The following NKAIN2 variants were observed in gnomAD, a reference collection of about 807,000 sequenced individuals.
NKAIN2 encodes sodium/potassium-transporting ATPase subunit beta-1-interacting protein 2.
Under a neutral mutation model 32.6 loss-of-function variants are expected in NKAIN2, and 14 were observed. The observed-to-expected ratio is 0.43, with a 90% CI of 0.28 to 0.67. NKAIN2 has a LOEUF of 0.67. Among genes scored for constraint, NKAIN2 ranks in the 30% least tolerant of loss-of-function variants. The pLI, the probability that NKAIN2 is intolerant of heterozygous loss-of-function variation, is 0.17. For synonymous variants in NKAIN2, 80 were observed against 87.2 expected (o/e 0.92, Z 0.46); for missense variants, 198 against 258.3 (o/e 0.77, Z 1.60).
intron 3 of NKAIN2, among the ~76,000 whole-genome samples, chr6:124,516,360 A>T (rs1778914342): frequency 6.6e-6 from 1 of 152,174 alleles, no homozygotes; most frequent in Admixed American, 6.5e-5. Flanking sequence ...ATACTAGACA[A>T]TAACATTTTT....
intron 5 of NKAIN2, among the ~76,000 whole-genome samples, chr6:124,800,000 T>A (rs1423587846): frequency 2.6e-5 from 4 of 152,104 alleles, no homozygotes; most frequent in Non-Finnish European, 1.5e-5. Flanking sequence ...AATGTTGACA[T>A]ACACACTCAC....
intron 3 of NKAIN2, among the ~76,000 whole-genome samples, chr6:124,378,460 T>C (rs1379617317): frequency 1.3e-5 from 2 of 152,156 alleles, no homozygotes. Flanking sequence ...GGACATCCTG[T>C]TCCTATGAGT....
At chr6:124,449,039 C>T (rs1289387345) in intron 3 of NKAIN2, among the ~76,000 whole-genome samples, 1 of 151,996 alleles carries the variant, frequency 6.6e-6, no homozygotes, top group East Asian at 1.9e-4. Context: ...TGACTATGCT[C>T]CATAAATTTC....
At chr6:124,583,718 A>G (rs868177426) in intron 3 of NKAIN2, among the ~76,000 whole-genome samples, 1 of 152,212 alleles carries the variant, frequency 6.6e-6, no homozygotes, top group African/African-American at 2.4e-5. Context: ...AACTGGAAGA[A>G]TCACATTATT....
At chr6:124,236,514 G>T (rs1792772007) in intron 1 of NKAIN2, among the ~76,000 whole-genome samples, 2 of 152,104 alleles carry the variant, frequency 1.3e-5, no homozygotes, top group Admixed American at 6.6e-5. Flanking sequence ...TGATCTGTAG[G>T]TCTAAAAATG....
At position 124,465,986 on chromosome 6, in the gene NKAIN2, T is replaced by TA. The variant is rs199533604; in HGVS notation, c.273+110644dup. The stretch of plus-strand genomic sequence containing the variant: ...ACTTTAGGAAAAAATATATTAAATA[T>TA]AAAAACAAACTCACATGTATCAATA... On this transcript the variant is annotated intron_variant, in intron 3 of 6. Transcript: ENST00000368417. 1.4e-4 allele frequency among the ~76,000 whole-genome samples: 22 copies of TA among 152,266 alleles called. No homozygotes were observed. In the East Asian group the frequency reaches 3.7e-3, roughly 25 times the overall value.
chr6:124,161,352 C>T (rs185311197), intron 1 of NKAIN2, among the ~76,000 whole-genome samples: 1 of 152,142 alleles, frequency 6.6e-6, no homozygotes, highest in Admixed American at 6.5e-5. Flanking sequence ...ATAAATCTGC[C>T]CCCATGATTC....
intron 1 of NKAIN2, among the ~76,000 whole-genome samples, chr6:123,957,097 A>G (rs1039471480): frequency 6.6e-6 from 1 of 152,060 alleles, no homozygotes; most frequent in African/African-American, 2.4e-5. Flanking sequence ...GGTAGGCCCC[A>G]GTGTCTGTTG....
At chr6:123,961,022 G>A (rs1478991728) in intron 1 of NKAIN2, among the ~76,000 whole-genome samples, 1 of 151,950 alleles carries the variant, frequency 6.6e-6, no homozygotes, top group East Asian at 1.9e-4. Context: ...ATACTGCCCT[G>A]GTATTAAAGG....
chr6:124,794,790 T>C (rs1270950021), intron 5 of NKAIN2: 2 of 568,260 alleles, frequency 3.5e-6, no homozygotes, highest in South Asian at 7.6e-5. Context: ...TTGGTTACAA[T>C]GCTTTGGGTT....
At chr6:124,570,986 AT>A (rs1781106251) in intron 3 of NKAIN2, among the ~76,000 whole-genome samples, 1 of 152,216 alleles carries the variant, frequency 6.6e-6, no homozygotes, top group Admixed American at 6.5e-5. Context: ...CACATTTTGC[AT>A]CAGTGTGACC....
chr6:124,235,961 T>C (rs1792736654), intron 1 of NKAIN2, among the ~76,000 whole-genome samples: 1 of 152,056 alleles, frequency 6.6e-6, no homozygotes, highest in South Asian at 2.1e-4. Flanking sequence ...TTCTGTGCCA[T>C]TATAATGCAG....
intron 1 of NKAIN2, among the ~76,000 whole-genome samples, chr6:123,930,975 A>T (rs1465458502): frequency 2.0e-5 from 3 of 152,094 alleles, no homozygotes; most frequent in African/African-American, 7.2e-5. Flanking sequence ...CAGGAGGAAA[A>T]TGAGCTCTTA....
chr6:124,010,470 C>T (rs749765242), intron 1 of NKAIN2, among the ~76,000 whole-genome samples: 8 of 150,688 alleles, frequency 5.3e-5, no homozygotes, highest in African/African-American at 2.0e-4. Flanking sequence ...TGCAAATTTA[C>T]AAGAGGATCT....
chr6:124,750,495 A>AGATG (rs56937918), intron 4 of NKAIN2, among the ~76,000 whole-genome samples: 6,686 of 149,618 alleles, frequency 0.045, 163 homozygotes, highest in Middle Eastern at 0.056. Flanking sequence ...CTGGAGGAAG[A>AGATG]GATGGATGGA....
intron 3 of NKAIN2, among the ~76,000 whole-genome samples, chr6:124,637,590 A>G (rs1230630525): frequency 6.6e-6 from 1 of 152,106 alleles, no homozygotes; most frequent in Non-Finnish European, 1.5e-5. Context: ...TAAAATCAAC[A>G]TACAAAAATT....
At chr6:124,694,209 G>A (rs1394380965) in intron 4 of NKAIN2, among the ~76,000 whole-genome samples, 1 of 59,532 alleles carries the variant, frequency 1.7e-5, no homozygotes, top group East Asian at 3.2e-4. Flanking sequence ...ATAATGGAAT[G>A]TTCTTCACCC....
chr6:123,857,993 T>C (rs1197456959), intron 1 of NKAIN2, among the ~76,000 whole-genome samples: 1 of 152,248 alleles, frequency 6.6e-6, no homozygotes, highest in Non-Finnish European at 1.5e-5. Context: ...GTGTTCTTTC[T>C]TCTGCAGTTT....
chr6:123,831,721 T>A (rs2114914288), intron 1 of NKAIN2, among the ~76,000 whole-genome samples: 1 of 151,172 alleles, frequency 6.6e-6, no homozygotes, highest in East Asian at 2.0e-4. Flanking sequence ...AGTGGCATGA[T>A]CTTGGCTCAC....
Sources: allele counts gnomAD v4.1 joint callset (sites outside exome capture counted in the v4.1 genomes callset), GRCh38; gene constraint gnomAD v4.1.1; transcripts MANE v1.5; gene names NCBI Gene and HGNC (gene_info 2026-07-23, HGNC 2026-07-21).